Variants in CLIP2 observed in about 807,000 individuals in gnomAD.
CLIP2 encodes the protein CAP-Gly domain containing linker protein 2.
A neutral mutation model predicts 111.7 loss-of-function variants in CLIP2; 41 were observed. That is an observed-to-expected ratio of 0.37 (90% confidence interval 0.29 to 0.48). The LOEUF (loss-of-function observed/expected upper bound fraction) is 0.48. Among genes scored for constraint, CLIP2 ranks in the 20% least tolerant of loss-of-function variants. CLIP2 has a pLI of 0.99. For synonymous variants in CLIP2, 660 were observed against 644.2 expected (o/e 1.02, Z -0.37); for missense variants, 1,160 against 1,422.1 (o/e 0.82, Z 2.96).
At chr7:74,374,600 A>T (rs1790723524) in intron 9 of CLIP2, among the ~76,000 whole-genome samples, 1 of 152,170 alleles carries the variant, frequency 6.6e-6, no homozygotes, top group Non-Finnish European at 1.5e-5. Context: ...GCACGCCTGT[A>T]GTCCCAGCTA....
At chr7:74,336,875 G>GTTTTTTTTTTTTTT (rs1385833904) in intron 2 of CLIP2, among the ~76,000 whole-genome samples, 6 of 36,624 alleles carry the variant, frequency 1.6e-4, no homozygotes, top group Non-Finnish European at 2.8e-4. Context: ...TTTTTTTTTT[G>GTTTTTTTTTTTTTT]TTTTTTTTTG....
At chr7:74,319,234 CG>C (rs1356074741) in intron 2 of CLIP2, among the ~76,000 whole-genome samples, 6 of 152,038 alleles carry the variant, frequency 3.9e-5, no homozygotes, top group Non-Finnish European at 7.4e-5. Flanking sequence ...AGAAAAAGGC[CG>C]GGGACGGTGG....
At chr7:74,391,879 A>G (rs1457004903) in intron 13 of CLIP2, among the ~76,000 whole-genome samples, 1 of 152,060 alleles carries the variant, frequency 6.6e-6, no homozygotes, top group African/African-American at 2.4e-5. Flanking sequence ...CAAATGTTAC[A>G]GAAAAGCCAG....
intron 5 of CLIP2, 89 bp downstream of exon 5, chr7:74,356,712 GACTT>G: frequency 8.1e-7 from 1 of 1,230,252 alleles, no homozygotes. Flanking sequence ...GTCTGCCCCT[GACTT>G]ACTCTAGTTC....
At chr7:74,390,270 ACTC>A (rs1391624949) in intron 13 of CLIP2, among the ~76,000 whole-genome samples, 3 of 151,860 alleles carry the variant, frequency 2.0e-5, no homozygotes, top group Admixed American at 6.6e-5. Context: ...ACCCCTTTAA[ACTC>A]CTAAAAATTA....
In CLIP2 at chr7:74,338,555, G is replaced by A; in HGVS notation, c.229G>A (p.Gly77Arg). 6.3e-7 allele frequency: 1 copy of A among 1,592,932 alleles called. No homozygotes were observed. The highest frequency in any genetic ancestry group is 2.3e-5 in the East Asian group (1 of 43,454). Residue 77 changes from glycine (G) to arginine (R), a missense_variant, in exon 3 of 17, where the codon GGG (glycine) becomes AGG (arginine). By Grantham distance (125) the Gly-to-Arg change is moderately radical. Coordinates refer to ENST00000223398, the MANE Select transcript of CLIP2 (RefSeq NM_003388.5). This position sits in a 1 kb window ranked among gnomAD's most constrained non-coding sequence, Gnocchi z 4.3. ...KAAEVGDDFL[G>R]DFVVGERVWV... The stretch of plus-strand genomic sequence containing the variant: ...GGCGGAAGTGGGGGATGACTTCCTG[G>A]GGGACTTTGTGGTGGGCGAGCGGGT...
intron 16 of CLIP2, 40 bp downstream of exon 16, chr7:74,401,607 G>A: frequency 6.3e-7 from 1 of 1,585,902 alleles, no homozygotes. Context: ...CTCCCGTGCA[G>A]GCAGACCTCT....
intron 1 of CLIP2, among the ~76,000 whole-genome samples, chr7:74,308,224 G>A (rs1554728025): frequency 2.0e-5 from 3 of 152,174 alleles, no homozygotes; most frequent in African/African-American, 7.2e-5. Context: ...AGGTGGGACA[G>A]TGTCAGGCGG....
At chr7:74,319,134 GA>G (rs1788875622) in intron 2 of CLIP2, among the ~76,000 whole-genome samples, 1 of 152,164 alleles carries the variant, frequency 6.6e-6, no homozygotes. Flanking sequence ...AAATTCGGGG[GA>G]TGAGGTGGGG....
intron 8 of CLIP2, among the ~76,000 whole-genome samples, chr7:74,371,691 G>GA (rs1278592739): frequency 7.3e-6 from 1 of 136,070 alleles, no homozygotes; most frequent in African/African-American, 2.7e-5. Context: ...AGACGGGGGG[G>GA]AGAAAGAAGA....
At position 74,357,419 on chromosome 7, in the gene CLIP2, C is replaced by T; in HGVS notation, c.1157C>T (p.Thr386Ile). 1 of 1,577,566 alleles carries T rather than the reference C, an allele frequency of 6.3e-7. No homozygotes were observed. Among genetic ancestry groups the T allele is most frequent in the Non-Finnish European group, 8.6e-7 (1 of 1,166,092 alleles). Residue 386 changes from threonine (T) to isoleucine (I), a missense_variant, in exon 6 of 17, where the codon ACA becomes ATA. By Grantham distance (89) the Thr-to-Ile change is moderately conservative (BLOSUM62 -1). Coordinates refer to ENST00000223398, the MANE Select transcript of CLIP2 (RefSeq NM_003388.5). ...GAACGGGCTGAGGTGGCCAAGGCCA[C>T]AAGCCACATCTGCGAGGTGGAGAAG... ...DLERAEVAKA[T>I]SHICEVEKEI...
intron 8 of CLIP2, among the ~76,000 whole-genome samples, chr7:74,372,400 CTT>C (rs1491297736): frequency 1.2e-4 from 3 of 24,530 alleles, no homozygotes; most frequent in African/African-American, 1.8e-4. Flanking sequence ...TAGCACAGGC[CTT>C]GGGGGGGGGG....
chr7:74,393,034 CTTTTTTT>C, intron 13 of CLIP2, among the ~76,000 whole-genome samples: 1 of 120,992 alleles, frequency 8.3e-6, no homozygotes, highest in Admixed American at 9.0e-5. Context: ...TAAGCATTTG[CTTTTTTT>C]TTTTTTTTTT....
rs1273745709 is a variant in CLIP2, at chr7:74,389,532, G to A, written c.2720+273G>A. On this transcript the variant is annotated intron_variant, in intron 13 of 16. Transcript: ENST00000223398. ...AGCACTTTGGGAGGCTGAGGCAGGA[G>A]GATTGAGCCCAGGAGTTCAAGACCA... 7 of 250,038 alleles carry A rather than the reference G, an allele frequency of 2.8e-5. No homozygotes were observed. In the East Asian group the frequency reaches 5.7e-4, roughly 20 times the overall value. The allele number at this position is 250,038 out of a possible 1,614,324, so 15.5% of individuals were successfully genotyped here.
At chr7:74,389,284 G>T (rs575128053) in intron 13 of CLIP2, 25 bp downstream of exon 13, 2 of 1,546,148 alleles carry the variant, frequency 1.3e-6, no homozygotes, top group Admixed American at 4.2e-5. Flanking sequence ...GGGCCGGCTG[G>T]GTCCTCCCTG....
intron 7 of CLIP2, among the ~76,000 whole-genome samples, chr7:74,363,733 A>G (rs945277693): frequency 6.6e-6 from 1 of 152,008 alleles, no homozygotes; most frequent in African/African-American, 2.4e-5. Context: ...AAAACTACAA[A>G]AATTTTTTAT....
intron 13 of CLIP2, among the ~76,000 whole-genome samples, 169 bp from the exon 14 acceptor site, chr7:74,396,905 G>C (rs1225692967): frequency 1.3e-5 from 2 of 151,472 alleles, no homozygotes; most frequent in Non-Finnish European, 2.9e-5. Context: ...GCCCCTCTTG[G>C]GCTTTGGTTG....
At chr7:74,360,378 CCT>C in intron 7 of CLIP2, 100 bp downstream of exon 7, 1 of 775,988 alleles carries the variant, frequency 1.3e-6, no homozygotes, top group Non-Finnish European at 2.1e-6. Context: ...CAGTCCTGCC[CCT>C]GTCACTGCCT....
intron 2 of CLIP2, among the ~76,000 whole-genome samples, chr7:74,330,250 T>TTTC (rs1554731119): frequency 4.8e-5 from 7 of 145,888 alleles, no homozygotes; most frequent in Non-Finnish European, 9.0e-5. Context: ...TTTCTTTTCT[T>TTTC]TTTTTTTTTT....
Sources: gnomAD v4.1 joint callset for allele counts (sites outside exome capture counted in the v4.1 genomes callset) on GRCh38, gnomAD v4.1.1 for gene constraint, Gnocchi (gnomAD v3.1) non-coding constraint, MANE v1.5 for transcripts, NCBI Gene and HGNC (gene_info 2026-07-23, HGNC 2026-07-21) for gene names.